Variants in ACACB observed in about 807,000 individuals in gnomAD.
The protein encoded by ACACB is acetyl-CoA carboxylase 2.
In ACACB, 209 loss-of-function variants were observed where a neutral mutation model predicts 278.8. The observed-to-expected ratio is 0.75, with a 90% confidence interval of 0.67 to 0.84. The LOEUF (loss-of-function observed/expected upper bound fraction) is 0.84, where lower values mean the gene tolerates loss of function less well. Ranked by LOEUF, ACACB falls within the 40% of genes least tolerant of loss-of-function variation. The pLI is 0.00. For synonymous variants in ACACB, 1,174 were observed against 1,285.6 expected, an observed-to-expected ratio of 0.91 and a Z score of 1.86; for missense variants, 2,850 against 3,269.0, an observed-to-expected ratio of 0.87 and a Z score of 3.13.
At position 109,264,381 on chromosome 12, in the gene ACACB, A is replaced by T. The variant is rs1295128208; in HGVS notation, c.6937A>T (p.Ile2313Leu). The change falls in exon 50 of 53, where the codon ATA becomes TTA. Residue 2313 changes from isoleucine (I) to leucine (L), a missense_variant. Transcript: ENST00000338432. ...CGGCCGGATGCTGGAGAAGGGCGTC[A>T]TATCTGTGAGAGCCACAGCTGCCGT... ...TPGRMLEKGV[I>L]SDILEWKTAR... The T allele has an allele frequency of 6.2e-7, 1 of 1,613,710 alleles. No homozygotes were observed. Among genetic ancestry groups the T allele is most frequent in the Non-Finnish European group, 8.5e-7 (1 of 1,179,866 alleles).
intron 22 of ACACB, among the ~76,000 whole-genome samples, chr12:109,215,836 A>G (rs866133663): frequency 1.3e-5 from 2 of 152,110 alleles, no homozygotes; most frequent in Non-Finnish European, 2.9e-5. Context: ...ACAAGCTGTC[A>G]CCCAGGCTGG....
In ACACB at chr12:109,201,683, C is replaced by T. The variant is rs374059185; in HGVS notation, c.2895C>T (p.Asp965=). 6.8e-6 allele frequency: 11 copies of T among 1,613,974 alleles called. No homozygotes were observed. The African/African-American group carries it at 1.3e-4, about 20-fold the overall frequency. ...TGGTGGCCAGGCTGGAGCTCGATGA[C>T]CCTTCTAAAGTCCACCCGGTATGTG... is the stretch of plus-strand genomic sequence containing the variant. ...GCVVARLELD[D]PSKVHPAEPF... is the part of the protein sequence containing the mutation. The change falls in exon 19 of 53, where the codon GAC becomes GAT. Residue 965 remains aspartate (D), a synonymous_variant. Transcript: ENST00000338432.
At position 109,139,486 on chromosome 12, in the gene ACACB, G is replaced by A. The variant is rs760884462; in HGVS notation, c.81G>A (p.Thr27=). 6.8e-6 allele frequency: 11 copies of A among 1,614,054 alleles called. No homozygotes were observed. The highest frequency in any genetic ancestry group is 4.0e-5 in the African/African-American group (3 of 74,992). The change falls in exon 2 of 53, where the codon ACG becomes ACA. Residue 27 remains threonine, a synonymous_variant. Transcript: ENST00000338432. The stretch of plus-strand genomic sequence containing the variant: ...GGTTAAAAATCTGGGGGAAAATGAC[G>A]GACTCCAAGCCGATCACCAAGAGTA... ...FSWLKIWGKM[T]DSKPITKSKS... is the part of the protein sequence containing the mutation.
At chr12:109,259,822 T>A (rs913689529) in intron 47 of ACACB, among the ~76,000 whole-genome samples, 2 of 152,128 alleles carry the variant, frequency 1.3e-5, no homozygotes, top group Non-Finnish European at 2.9e-5. Context: ...CAAGCATGTT[T>A]TGGGAGAGAG....
intron 1 of ACACB, among the ~76,000 whole-genome samples, chr12:109,137,184 CAT>C (rs1565853551): frequency 6.6e-6 from 1 of 151,908 alleles, no homozygotes; most frequent in Non-Finnish European, 1.5e-5. Context: ...AAAAAAAACA[CAT>C]GATGATCTTG....
At chr12:109,160,390 A>G (rs1039586294) in intron 2 of ACACB, among the ~76,000 whole-genome samples, 2 of 152,108 alleles carry the variant, frequency 1.3e-5, no homozygotes, top group Non-Finnish European at 2.9e-5. Context: ...TCCTCCATAC[A>G]GGGCTGTGGA....
At position 109,218,771 on chromosome 12, in the gene ACACB, CT is replaced by C. The variant is rs147342736; in HGVS notation, c.3564+1866del. ...CGGGTTCTATCTATCTTCTATCTAT[CT>C]TTTTTTTTTTTTTTGAGGCAGAGTC... On this transcript the variant is annotated intron_variant, in intron 24 of 52. Coordinates refer to ENST00000338432, the MANE Select transcript of ACACB (RefSeq NM_001093.4). 7.9e-3 allele frequency among the ~76,000 whole-genome samples: 1,073 copies of C among 135,504 alleles called. 13 individuals carry two copies. Among genetic ancestry groups the C allele is most frequent in the African/African-American group, 0.022 (815 of 36,872 alleles). The allele number at this position is 135,504 out of a possible 152,430, so 88.9% of individuals were successfully genotyped here. A position where few individuals can be genotyped will look rare whatever the true frequency, so the allele number is the denominator to read the frequency against.
rs780374696 is a variant in ACACB at position 109,179,984 on chromosome 12, A to G, written c.1715A>G (p.Gln572Arg). ...SAGTVEYLYSQDGSFHFLELN... is the reference protein window; with the variant it reads ...SAGTVEYLYSRDGSFHFLELN... The stretch of plus-strand genomic sequence containing the variant: ...GGGACAGTGGAATACCTCTATAGTC[A>G]GGATGGCAGCTTCCACTTCTTGGAG... The change falls in exon 11 of 53, where the codon CAG (glutamine) becomes CGG (arginine). Residue 572 changes from glutamine (Q) to arginine (R), a missense_variant. Gln to Arg is a conservative substitution (Grantham distance 43). This residue lies in a region of ACACB where 2,265 missense variants were observed against 2,561.3 expected (regional missense o/e 0.88). Coordinates refer to ENST00000338432, the MANE Select transcript of ACACB (RefSeq NM_001093.4). 7 of 1,613,884 alleles carry G rather than the reference A, an allele frequency of 4.3e-6. No individual in the cohort carries two copies. Among genetic ancestry groups the G allele is most frequent in the Middle Eastern group, 1.7e-4 (1 of 5,924 alleles).
intron 1 of ACACB, among the ~76,000 whole-genome samples, chr12:109,129,955 A>G (rs1402163609): frequency 3.2e-4 from 49 of 152,178 alleles, no homozygotes; most frequent in Admixed American, 3.1e-3. Context: ...GGAAGGCTCT[A>G]TTTGGTGTTG....
chr12:109,201,663 G>A lies in ACACB; in HGVS notation c.2875G>A (p.Ala959Thr). The change falls in exon 19 of 53, where the codon GCC (alanine) becomes ACC (threonine). Residue 959 changes from alanine (A) to threonine (T), a missense_variant. Physicochemically the swap from Ala to Thr is moderately conservative, Grantham distance 58. Around this residue, in one of 3 missense-constraint regions of ACACB, gnomAD observed 2,265 missense variants for 2,561.3 expected, o/e 0.88. Coordinates refer to ENST00000338432, the MANE Select transcript of ACACB (RefSeq NM_001093.4). The stretch of plus-strand genomic sequence containing the variant: ...CGTGCTGGAAGCAGGCTGCGTGGTG[G>A]CCAGGCTGGAGCTCGATGACCCTTC... ...GAVLEAGCVV[A>T]RLELDDPSKV... is the part of the protein sequence containing the mutation. 2.5e-6 allele frequency: 4 copies of A among 1,614,180 alleles called. No individual in the cohort carries two copies. Among genetic ancestry groups the A allele is most frequent in the Non-Finnish European group, 3.4e-6 (4 of 1,180,036 alleles).
rs200792758 is a variant in ACACB at position 109,252,081 on chromosome 12, G to A, written c.5826G>A (p.Leu1942=). 15 of 1,613,564 alleles carry A rather than the reference G, an allele frequency of 9.3e-6. No homozygotes were observed. In the East Asian group the frequency reaches 3.1e-4, roughly 34 times the overall value. The change falls in exon 42 of 53, where the codon TTG becomes TTA. Residue 1942 remains leucine (L), a synonymous_variant. Coordinates refer to ENST00000338432, the MANE Select transcript of ACACB (RefSeq NM_001093.4). ...TCRAIGIGAY[L]VRLGQRVIQV... ...GAGCCATTGGGATTGGGGCCTACTT[G>A]GTGAGGCTGGGCCAGCGAGTGATCC...
Position 109,179,967 on chromosome 12 carries a change from G to A in ACACB, c.1698G>A (p.Val566=), listed in dbSNP as rs1432403362. The part of the protein sequence containing the change: ...KTVGYVSAGT[V]EYLYSQDGSF... ...TGGGCTATGTGAGTGCAGGGACAGT[G>A]GAATACCTCTATAGTCAGGATGGCA... is the stretch of plus-strand genomic sequence containing the variant. The change falls in exon 11 of 53, where the codon GTG becomes GTA. Residue 566 remains valine, a synonymous_variant. Coordinates refer to ENST00000338432, the MANE Select transcript of ACACB (RefSeq NM_001093.4). The A allele has an allele frequency of 6.2e-7, 1 of 1,614,038 alleles. No individual in the cohort carries two copies. The highest frequency in any genetic ancestry group is 2.2e-5 in the East Asian group (1 of 44,888).
chr12:109,208,192 T>C (rs1183622832), intron 20 of ACACB, among the ~76,000 whole-genome samples: 1 of 151,674 alleles, frequency 6.6e-6, no homozygotes, highest in East Asian at 1.9e-4. Flanking sequence ...TTATGCTGCC[T>C]GATGATTATT....
At chr12:109,181,899 C>T (rs1355625654) in intron 11 of ACACB, among the ~76,000 whole-genome samples, 1 of 118,366 alleles carries the variant, frequency 8.4e-6, no homozygotes, top group Non-Finnish European at 1.6e-5. Context: ...GGCTGGAGTA[C>T]AGTGGTGCGA....
At chr12:109,170,011 C>A (rs2044057422) in intron 4 of ACACB, among the ~76,000 whole-genome samples, 1 of 152,216 alleles carries the variant, frequency 6.6e-6, no homozygotes, top group Non-Finnish European at 1.5e-5. Context: ...GATGTCCCAA[C>A]CCCTGTGTTT....
intron 1 of ACACB, among the ~76,000 whole-genome samples, chr12:109,136,183 G>T (rs1440683804): frequency 6.6e-6 from 1 of 152,148 alleles, no homozygotes; most frequent in African/African-American, 2.4e-5. Flanking sequence ...TAGATGTATA[G>T]GTTTCTATTC....
intron 4 of ACACB, among the ~76,000 whole-genome samples, chr12:109,170,791 GTGTT>G (rs1048717854): frequency 1.5e-5 from 2 of 135,522 alleles, no homozygotes; most frequent in African/African-American, 5.7e-5. Flanking sequence ...AATTTTGTGT[GTGTT>G]TTTTTTTTTA....
chr12:109,266,412 G>C lies in ACACB; in HGVS notation c.*50G>C. The C allele has an allele frequency of 6.4e-7, 1 of 1,550,818 alleles. No individual in the cohort carries two copies. Among genetic ancestry groups the C allele is most frequent in the South Asian group, 1.2e-5 (1 of 83,312 alleles). ...GGACCACGGCAAAAGGAACCACCCA[G>C]ACCCACCACCCGTACACCCTCAGCA... On this transcript the variant is annotated 3_prime_UTR_variant, in exon 53 of 53. Transcript: ENST00000338432.
At chr12:109,154,591 G>C (rs1490479069) in intron 2 of ACACB, 1 of 152,106 alleles carries the variant, frequency 6.6e-6, no homozygotes, top group African/African-American at 2.4e-5. Flanking sequence ...CCGGAAGGCG[G>C]GGCCCTCCTG....
Sources: gnomAD v4.1 joint callset for allele counts (sites outside exome capture counted in the v4.1 genomes callset) on GRCh38, gnomAD v4.1.1 for gene constraint, gnomAD v4.1.1 regional missense constraint, MANE v1.5 for transcripts, NCBI Gene and HGNC (gene_info 2026-07-23, HGNC 2026-07-21) for gene names.